Variants in SPATS2 observed in about 807,000 individuals in gnomAD.
SPATS2 encodes spermatogenesis associated serine rich 2.
SPATS2 carries 38 observed loss-of-function variants against 63.7 expected under a neutral mutation model. The ratio of observed to expected loss-of-function variants is 0.60; its 90% CI spans 0.46 to 0.78. SPATS2 has a LOEUF of 0.78. SPATS2 is among the 30% of genes least tolerant of loss of function. SPATS2 has a pLI of 0.00. For missense variants in SPATS2, 588 were observed against 666.2 expected (o/e 0.88, Z 1.29); for synonymous variants, 207 against 232.9 (o/e 0.89, Z 1.01).
chr12:49,453,784 A>T (rs907662621), intron 2 of SPATS2, among the ~76,000 whole-genome samples: 1 of 151,936 alleles, frequency 6.6e-6, no homozygotes, highest in Non-Finnish European at 1.5e-5. Context: ...CTCCCTGGGC[A>T]ACGGAGGAAG....
chr12:49,460,331 G>T (rs1183736781), intron 2 of SPATS2, among the ~76,000 whole-genome samples: 1 of 152,056 alleles, frequency 6.6e-6, no homozygotes, highest in Non-Finnish European at 1.5e-5. Flanking sequence ...GTGCACGCCT[G>T]TAGTCCCAGC....
intron 2 of SPATS2, chr12:49,442,581 A>T (rs1238150038): frequency 6.4e-6 from 1 of 156,722 alleles, no homozygotes; most frequent in Non-Finnish European, 1.5e-5. Flanking sequence ...CTGAAGATTT[A>T]TCCTTTCCTG....
chr12:49,390,874 T>A (rs1489213137), intron 2 of SPATS2, among the ~76,000 whole-genome samples: 1 of 152,190 alleles, frequency 6.6e-6, no homozygotes, highest in Non-Finnish European at 1.5e-5. Flanking sequence ...AGGTTAAACT[T>A]CTCCTTTGAA....
intron 2 of SPATS2, among the ~76,000 whole-genome samples, chr12:49,445,544 G>A (rs879340838): frequency 4.0e-5 from 6 of 151,762 alleles, no homozygotes; most frequent in African/African-American, 9.7e-5. Context: ...TTGAGACAGC[G>A]TCTCACTTTG....
intron 2 of SPATS2, among the ~76,000 whole-genome samples, chr12:49,413,011 A>T (rs747198867): frequency 6.6e-6 from 1 of 151,946 alleles, no homozygotes; most frequent in Non-Finnish European, 1.5e-5. Context: ...ATAGAAAGGC[A>T]GGCTAAGTTT....
In SPATS2 at chr12:49,526,007, C is replaced by T. The variant is rs1001273846; in HGVS notation, c.1390C>T (p.Pro464Ser). Residue 464 changes from proline to serine, a missense_variant, in exon 14 of 14, where the codon CCC becomes TCC. Transcript: ENST00000552918. ...GCCACAAGGCCAAAAGTCCAATGAC[C>T]CCATGAACCAAGGGCGGCATGACAG... ...YRPQGQKSND[P>S]MNQGRHDSMG... is the part of the protein sequence containing the mutation. 1 of 1,614,218 alleles carries T rather than the reference C, an allele frequency of 6.2e-7. No homozygotes were observed. The highest frequency in any genetic ancestry group is 1.3e-5 in the African/African-American group (1 of 75,044).
At chr12:49,414,703 TG>T (rs1185113479) in intron 2 of SPATS2, among the ~76,000 whole-genome samples, 1 of 151,752 alleles carries the variant, frequency 6.6e-6, no homozygotes, top group African/African-American at 2.4e-5. Flanking sequence ...CTCCTTAGCT[TG>T]TGACCCTCCC....
intron 9 of SPATS2, among the ~76,000 whole-genome samples, chr12:49,509,810 CAAAA>C (rs60064985): frequency 1.4e-5 from 1 of 71,834 alleles, no homozygotes. Flanking sequence ...GAGCAAGTCT[CAAAA>C]AAAAAAAAAA....
chr12:49,523,639 G>C (rs1946979975), intron 12 of SPATS2, among the ~76,000 whole-genome samples: 2 of 152,130 alleles, frequency 1.3e-5, no homozygotes. Context: ...CAGCCTCTCT[G>C]TTCTTTCTGT....
chr12:49,445,969 A>G (rs1291140771), intron 2 of SPATS2, among the ~76,000 whole-genome samples: 2 of 152,040 alleles, frequency 1.3e-5, no homozygotes, highest in Admixed American at 6.6e-5. Flanking sequence ...CATTGATGCA[A>G]TCTCAGCCCA....
chr12:49,430,635 G>C (rs1945169466), intron 2 of SPATS2, among the ~76,000 whole-genome samples: 1 of 152,030 alleles, frequency 6.6e-6, no homozygotes, highest in Non-Finnish European at 1.5e-5. Context: ...TTCTGAGTTA[G>C]AATTATATTA....
At chr12:49,454,500 A>G (rs921395622) in intron 2 of SPATS2, 2 of 152,192 alleles carry the variant, frequency 1.3e-5, no homozygotes, top group African/African-American at 2.4e-5. Context: ...AATGCAAAAA[A>G]CATTCATACA....
intron 7 of SPATS2, among the ~76,000 whole-genome samples, chr12:49,496,627 C>T (rs888669092): frequency 1.9e-4 from 29 of 152,194 alleles, no homozygotes; most frequent in African/African-American, 5.3e-4. Context: ...TCATTCCGGA[C>T]GCCACTTAAG....
chr12:49,400,518 A>T (rs1314476381), intron 2 of SPATS2, among the ~76,000 whole-genome samples: 4 of 152,138 alleles, frequency 2.6e-5, no homozygotes, highest in African/African-American at 9.7e-5. Context: ...AGAAAGGGGA[A>T]TGACTAGGCA....
At chr12:49,386,958 A>G (rs1198366036) in intron 2 of SPATS2, 2 of 152,262 alleles carry the variant, frequency 1.3e-5, no homozygotes, top group African/African-American at 4.8e-5. Flanking sequence ...GAAATCACTG[A>G]GAGTTAAGAT....
At chr12:49,417,632 C>A (rs1046334385) in intron 2 of SPATS2, among the ~76,000 whole-genome samples, 3 of 152,132 alleles carry the variant, frequency 2.0e-5, no homozygotes, top group African/African-American at 7.2e-5. Context: ...TTCTTCTTCC[C>A]GTTTTGCTGT....
chr12:49,512,279 A>G (rs576239797), intron 9 of SPATS2, among the ~76,000 whole-genome samples: 1 of 152,220 alleles, frequency 6.6e-6, no homozygotes, highest in Non-Finnish European at 1.5e-5. Context: ...TTTTCACTAG[A>G]TGTTATCAAT....
Position 49,416,471 on chromosome 12 carries a change from T to TTTTTATTTTATTTTA in SPATS2, c.-243-44279_-243-44265dup, listed in dbSNP as rs141815202. Among the ~76,000 whole-genome samples the TTTTTATTTTATTTTA allele has an allele frequency of 5.0e-4, 76 of 150,916 alleles. 2 individuals carry two copies. In the South Asian group the frequency reaches 0.011, roughly 22 times the overall value. On this transcript the variant is annotated intron_variant, in intron 2 of 13. Coordinates refer to ENST00000552918, the MANE Select transcript of SPATS2 (RefSeq NM_023071.4). ...AGCACCTGGCAGAAGTTTTATCACCTTTTTATTTTATTTTATTTTATTTTA... is the reference window on the plus strand; with the variant it reads ...AGCACCTGGCAGAAGTTTTATCACCTTTTTATTTTATTTTATTTTATTTTATTTTATTTTATTTTA...
chr12:49,482,848 G>A (rs1478018479), intron 3 of SPATS2, among the ~76,000 whole-genome samples: 1 of 151,852 alleles, frequency 6.6e-6, no homozygotes, highest in Non-Finnish European at 1.5e-5. Context: ...GAATGCAGTG[G>A]TGCATTCACG....
Sources: gnomAD v4.1 joint callset for allele counts (sites outside exome capture counted in the v4.1 genomes callset) on GRCh38, gnomAD v4.1.1 for gene constraint, MANE v1.5 for transcripts, NCBI Gene and HGNC (gene_info 2026-07-23, HGNC 2026-07-21) for gene names.